The following EPHA6 variants were observed in gnomAD, a reference collection of about 807,000 sequenced individuals.
The protein encoded by EPHA6 is EPH receptor A6.
Under a neutral mutation model 112.0 loss-of-function variants are expected in EPHA6, and 50 were observed. The observed-to-expected ratio is 0.45, with a 90% CI of 0.36 to 0.56. The LOEUF (loss-of-function observed/expected upper bound fraction) is 0.56. EPHA6 is among the 20% of genes least tolerant of loss of function. The probability of loss-of-function intolerance (pLI) is 0.00; values close to 1 mark genes in which losing one functional copy is unlikely to be tolerated. For missense variants in EPHA6, 1,280 were observed against 1,417.4 expected (o/e 0.90, Z 1.56); for synonymous variants, 529 against 490.7 (o/e 1.08, Z -1.03).
intron 6 of EPHA6, among the ~76,000 whole-genome samples, chr3:97,437,012 A>G (rs918205117): frequency 2.6e-5 from 4 of 152,050 alleles, no homozygotes; most frequent in African/African-American, 7.2e-5. Context: ...ACAAATTTGT[A>G]AACTTTCTTA....
intron 9 of EPHA6, among the ~76,000 whole-genome samples, chr3:97,482,067 A>G (rs1023317851): frequency 5.3e-5 from 8 of 152,256 alleles, no homozygotes; most frequent in Non-Finnish European, 1.2e-4. Flanking sequence ...AGTTTAAATT[A>G]GTAACCAGGT....
In EPHA6 at chr3:97,184,491, G is replaced by C. The variant is rs535254376; in HGVS notation, c.1115-41773G>C. On this transcript the variant is annotated intron_variant, in intron 3 of 17. Transcript: ENST00000389672. ...TGCTTCACAGAGAATGAAATACCTG[G>C]CAATCCAACTTACAAGGGACATGAA... 1.9e-3 allele frequency among the ~76,000 whole-genome samples: 291 copies of C among 152,210 alleles called. 1 individual carries two copies. The highest frequency in any genetic ancestry group is 6.3e-3 in the African/African-American group (260 of 41,532).
intron 2 of EPHA6, among the ~76,000 whole-genome samples, chr3:96,881,343 C>G (rs1247321171): frequency 6.6e-6 from 1 of 152,150 alleles, no homozygotes; most frequent in Non-Finnish European, 1.5e-5. Flanking sequence ...GCCTCACATT[C>G]ATGGTGGAAG....
chr3:96,828,172 C>T (rs1336878317), intron 1 of EPHA6, among the ~76,000 whole-genome samples: 6 of 151,818 alleles, frequency 4.0e-5, no homozygotes. Flanking sequence ...AAAAGATCTC[C>T]TAAACATATC....
intron 10 of EPHA6, among the ~76,000 whole-genome samples, chr3:97,487,470 A>T (rs1413814833): frequency 6.6e-6 from 1 of 152,212 alleles, no homozygotes; most frequent in East Asian, 1.9e-4. Flanking sequence ...GTGCCACTTA[A>T]TCATTTCATA....
At chr3:97,075,321 A>G (rs1039286971) in intron 3 of EPHA6, among the ~76,000 whole-genome samples, 14 of 152,036 alleles carry the variant, frequency 9.2e-5, no homozygotes, top group African/African-American at 2.7e-4. Context: ...AAACTGGATA[A>G]CTAGATGTCG....
chr3:96,876,265 T>A (rs139393005), intron 2 of EPHA6, among the ~76,000 whole-genome samples: 1,553 of 151,908 alleles, frequency 0.01, 15 homozygotes, highest in South Asian at 0.02. Flanking sequence ...AATTATTTTC[T>A]ATTTTAAGTG....
At chr3:96,918,496 T>C (rs2039595991) in intron 2 of EPHA6, among the ~76,000 whole-genome samples, 1 of 152,104 alleles carries the variant, frequency 6.6e-6, no homozygotes. Flanking sequence ...TCAGTGATGG[T>C]AGGCAATGTG....
intron 11 of EPHA6, among the ~76,000 whole-genome samples, chr3:97,588,389 A>G (rs1359969125): frequency 1.3e-5 from 2 of 152,170 alleles, no homozygotes; most frequent in Non-Finnish European, 2.9e-5. Context: ...CAGTGTATCT[A>G]TTGTCTACTT....
intron 3 of EPHA6, among the ~76,000 whole-genome samples, chr3:97,221,051 C>T (rs556848438): frequency 3.3e-5 from 5 of 152,102 alleles, no homozygotes; most frequent in Non-Finnish European, 7.4e-5. Context: ...TGCAGTGGCT[C>T]ATGCCTATAA....
At chr3:97,253,475 C>A (rs2079203512) in intron 5 of EPHA6, among the ~76,000 whole-genome samples, 2 of 152,270 alleles carry the variant, frequency 1.3e-5, no homozygotes, top group South Asian at 4.1e-4. Context: ...TATACTTAGT[C>A]ACTTTCAACA....
At chr3:97,676,727 G>A (rs544750666) in intron 14 of EPHA6, among the ~76,000 whole-genome samples, 1 of 152,162 alleles carries the variant, frequency 6.6e-6, no homozygotes, top group Non-Finnish European at 1.5e-5. Flanking sequence ...ATTTAGATGG[G>A]AGTATGAACT....
At chr3:97,435,184 T>C (rs920258394) in intron 6 of EPHA6, among the ~76,000 whole-genome samples, 3 of 152,088 alleles carry the variant, frequency 2.0e-5, no homozygotes, top group African/African-American at 7.2e-5. Context: ...TGTAATAGAA[T>C]TTACAAACAT....
intron 14 of EPHA6, among the ~76,000 whole-genome samples, chr3:97,681,558 A>G (rs1276994978): frequency 6.6e-6 from 1 of 152,106 alleles, no homozygotes. Flanking sequence ...GGATGACTTT[A>G]AAAGATCTCC....
chr3:97,048,064 CAAG>C (rs1413493078), intron 3 of EPHA6, among the ~76,000 whole-genome samples: 1 of 152,144 alleles, frequency 6.6e-6, no homozygotes, highest in Non-Finnish European at 1.5e-5. Context: ...TTATTAAAAT[CAAG>C]AAGAATTCAA....
At chr3:97,112,543 A>C (rs1489827868) in intron 3 of EPHA6, among the ~76,000 whole-genome samples, 4 of 152,138 alleles carry the variant, frequency 2.6e-5, no homozygotes, top group Admixed American at 2.6e-4. Flanking sequence ...CAAAGGTGAT[A>C]GTTTCTGTTG....
chr3:97,055,124 C>T (rs1253210258), intron 3 of EPHA6, among the ~76,000 whole-genome samples: 2 of 152,142 alleles, frequency 1.3e-5, no homozygotes, highest in African/African-American at 2.4e-5. Flanking sequence ...TTCTAGGCAA[C>T]TTGCATCAGA....
intron 2 of EPHA6, among the ~76,000 whole-genome samples, chr3:96,928,474 G>A (rs908901937): frequency 6.6e-6 from 1 of 152,148 alleles, no homozygotes; most frequent in African/African-American, 2.4e-5. Flanking sequence ...TTACACTGTG[G>A]CCTGAGAGAC....
intron 14 of EPHA6, among the ~76,000 whole-genome samples, chr3:97,647,104 A>G (rs2094070764): frequency 1.3e-5 from 2 of 152,162 alleles, no homozygotes; most frequent in Non-Finnish European, 2.9e-5. Context: ...GTTTCTCCCT[A>G]TCTGAGGATA....
Sources: allele counts gnomAD v4.1 joint callset (sites outside exome capture counted in the v4.1 genomes callset), GRCh38; gene constraint gnomAD v4.1.1; transcripts MANE v1.5; gene names NCBI Gene and HGNC (gene_info 2026-07-23, HGNC 2026-07-21).